The following YIPF7 variants were observed in gnomAD, a reference collection of about 807,000 sequenced individuals.
The protein encoded by YIPF7 is Yip1 domain family member 7.
In YIPF7, 35 loss-of-function variants were observed where a neutral mutation model predicts 27.2. That is an observed-to-expected ratio of 1.29 (90% CI 0.98 to 1.70). The LOEUF (loss-of-function observed/expected upper bound fraction) is 1.70, where lower values mean the gene tolerates loss of function less well. YIPF7 is among the 40% of genes most tolerant of loss of function. YIPF7 has a pLI of 0.00. For synonymous variants in YIPF7, 137 were observed against 110.4 expected, an observed-to-expected ratio of 1.24 and a Z score of -1.51; for missense variants, 358 against 303.7, an observed-to-expected ratio of 1.18 and a Z score of -1.33.
chr4:44,634,574 A>C (rs1713039327), intron 3 of YIPF7, among the ~76,000 whole-genome samples: 1 of 152,184 alleles, frequency 6.6e-6, no homozygotes, highest in South Asian at 2.1e-4. Flanking sequence ...AATAAAAAGA[A>C]TATAATACTT....
chr4:44,629,970 T>G (rs1483161586), intron 3 of YIPF7, among the ~76,000 whole-genome samples: 1 of 152,188 alleles, frequency 6.6e-6, no homozygotes, highest in African/African-American at 2.4e-5. Context: ...TCCTGCATTT[T>G]CTGTTTCTTT....
upstream of YIPF7, among the ~76,000 whole-genome samples, chr4:44,655,509 C>T (rs962349585): frequency 6.6e-6 from 1 of 151,826 alleles, no homozygotes; most frequent in Non-Finnish European, 1.5e-5. Context: ...TACTTGTATC[C>T]CTCTACCCCA....
chr4:44,641,350 T>C (rs1446937687), intron 2 of YIPF7, among the ~76,000 whole-genome samples: 1 of 151,920 alleles, frequency 6.6e-6, no homozygotes, highest in Non-Finnish European at 1.5e-5. Flanking sequence ...CCATCTTGAA[T>C]AAAAAAAAGA....
intron 5 of YIPF7, among the ~76,000 whole-genome samples, chr4:44,623,390 A>G (rs975103949): frequency 6.6e-6 from 1 of 152,202 alleles, no homozygotes; most frequent in Non-Finnish European, 1.5e-5. Context: ...AAGTGATGAT[A>G]AAAATTGCAT....
At chr4:44,629,653 T>C in intron 3 of YIPF7, 105 bp from the exon 4 acceptor site, 8 of 847,256 alleles carry the variant, frequency 9.4e-6, no homozygotes, top group Non-Finnish European at 1.2e-5. Context: ...TTACTTAGCA[T>C]TTTAATCTGA....
intron 2 of YIPF7, among the ~76,000 whole-genome samples, chr4:44,660,129 A>AAAAAAAAAAAAAAAAAAAAAAAAG (rs1714007949): frequency 6.8e-6 from 1 of 147,074 alleles, no homozygotes; most frequent in Non-Finnish European, 1.5e-5. Context: ...AAAAAAAAAA[A>AAAAAAAAAAAAAAAAAAAAAAAAG]AAAAAAACGA....
At chr4:44,652,671 T>C (rs1225859419), upstream of YIPF7, among the ~76,000 whole-genome samples, 7 of 152,236 alleles carry the variant, frequency 4.6e-5, no homozygotes, top group Non-Finnish European at 7.3e-5. Flanking sequence ...TTCCACACTC[T>C]GTTGTAGATG....
chr4:44,659,938 C>G (rs1313773791), intron 2 of YIPF7, among the ~76,000 whole-genome samples: 2 of 151,332 alleles, frequency 1.3e-5, no homozygotes, highest in Admixed American at 6.6e-5. Flanking sequence ...AGGGTGAAAC[C>G]CCGTCTCTAC....
chr4:44,662,066 A>T (rs1714052900), intron 1 of YIPF7, among the ~76,000 whole-genome samples: 1 of 152,204 alleles, frequency 6.6e-6, no homozygotes, highest in Non-Finnish European at 1.5e-5. Flanking sequence ...CATTTGTTAC[A>T]TTATACCAAC....
rs77602611 is a variant in YIPF7 at position 44,625,521 on chromosome 4, A to T, written c.427-739T>A. ...CCACAGAATCCTTTTATGTTTCATG[A>T]TACCTATTGCCAGGTTGATTAACCA... On this transcript the variant is annotated intron_variant, in intron 4 of 5. Transcript: ENST00000415895. Among the ~76,000 whole-genome samples, 461 of 152,322 alleles carry T rather than the reference A, an allele frequency of 3.0e-3. 4 individuals carry two copies. The highest frequency in any genetic ancestry group is 0.028 in the South Asian group (135 of 4,832).
At chr4:44,632,094 C>T (rs1026532304) in intron 3 of YIPF7, among the ~76,000 whole-genome samples, 1 of 151,996 alleles carries the variant, frequency 6.6e-6, no homozygotes, top group African/African-American at 2.4e-5. Context: ...TAAGCCCATA[C>T]AAATATTTTC....
intron 1 of YIPF7, among the ~76,000 whole-genome samples, chr4:44,651,081 C>T (rs926766252): frequency 2.6e-5 from 4 of 152,162 alleles, no homozygotes; most frequent in African/African-American, 9.7e-5. Flanking sequence ...TGGAATACTA[C>T]TTATAAAAAT....
At chr4:44,653,995 G>C (rs1000550853), upstream of YIPF7, among the ~76,000 whole-genome samples, 8 of 151,924 alleles carry the variant, frequency 5.3e-5, no homozygotes, top group Admixed American at 4.6e-4. Context: ...TCGATTAAAT[G>C]AATTACAGGA....
chr4:44,632,664 A>G (rs115110745), intron 3 of YIPF7, among the ~76,000 whole-genome samples: 2,066 of 152,316 alleles, frequency 0.014, 24 homozygotes, highest in Middle Eastern at 0.031. Flanking sequence ...TGGATTGTCA[A>G]TAAAAACTAG....
chr4:44,624,292 G>T (rs1048599128), intron 5 of YIPF7, among the ~76,000 whole-genome samples: 22 of 152,034 alleles, frequency 1.4e-4, no homozygotes, highest in African/African-American at 5.3e-4. Context: ...TCGAACTCCC[G>T]ACCTCAGGTG....
intron 2 of YIPF7, among the ~76,000 whole-genome samples, chr4:44,659,524 C>A (rs1378770395): frequency 6.6e-6 from 1 of 152,006 alleles, no homozygotes; most frequent in Non-Finnish European, 1.5e-5. Context: ...ACGACCAATT[C>A]ATAACGGAAA....
chr4:44,644,808 T>A (rs1713466772), intron 2 of YIPF7, among the ~76,000 whole-genome samples: 2 of 152,096 alleles, frequency 1.3e-5, no homozygotes, highest in South Asian at 4.2e-4. Flanking sequence ...TGAAATGAAA[T>A]CCCCAGCTGG....
intron 2 of YIPF7, among the ~76,000 whole-genome samples, chr4:44,660,126 A>AAAAAAAAAAAAAAAAAAAAAAAAAAAG (rs1714006688): frequency 1.4e-5 from 2 of 146,258 alleles, no homozygotes; most frequent in Admixed American, 6.8e-5. Context: ...AAAAAAAAAA[A>AAAAAAAAAAAAAAAAAAAAAAAAAAAG]AAAAAAAAAA....
chr4:44,627,394 CTT>C (rs1009361810), intron 4 of YIPF7, among the ~76,000 whole-genome samples: 133 of 152,226 alleles, frequency 8.7e-4, no homozygotes, highest in African/African-American at 3.1e-3. Context: ...GACTATGACT[CTT>C]ATGTCTCCAG....
Sources: allele counts gnomAD v4.1 joint callset (sites outside exome capture counted in the v4.1 genomes callset), GRCh38; gene constraint gnomAD v4.1.1; transcripts MANE v1.5; gene names NCBI Gene and HGNC (gene_info 2026-07-23, HGNC 2026-07-21).